The following GRIK2 variants were observed in gnomAD, a reference collection of about 807,000 sequenced individuals.
GRIK2 encodes glutamate receptor ionotropic, kainate 2.
GRIK2 carries 32 observed loss-of-function variants against 100.3 expected under a neutral mutation model. That is an observed-to-expected ratio of 0.32 (90% CI 0.24 to 0.43). GRIK2 has a LOEUF of 0.43. Among genes scored for constraint, GRIK2 ranks in the 20% least tolerant of loss-of-function variants. The pLI, the probability that GRIK2 is intolerant of heterozygous loss-of-function variation, is 1.00. For synonymous variants in GRIK2, 417 were observed against 389.4 expected (o/e 1.07, Z -0.83); for missense variants, 843 against 1,114.9 (o/e 0.76, Z 3.47).
intron 2 of GRIK2, among the ~76,000 whole-genome samples, chr6:101,402,257 C>T (rs1582367708): frequency 1.3e-5 from 2 of 152,298 alleles, no homozygotes; most frequent in South Asian, 4.1e-4. Flanking sequence ...CACACACACA[C>T]ATTCTCTCAC....
At chr6:101,544,993 C>T (rs1238262705) in intron 2 of GRIK2, among the ~76,000 whole-genome samples, 1 of 152,094 alleles carries the variant, frequency 6.6e-6, no homozygotes, top group Non-Finnish European at 1.5e-5. Flanking sequence ...GGATGGATCG[C>T]CACATATATT....
chr6:101,504,208 GACAT>G (rs71695247), intron 2 of GRIK2, among the ~76,000 whole-genome samples: 14,509 of 152,014 alleles, frequency 0.095, 941 homozygotes, highest in East Asian at 0.3. Flanking sequence ...ACTTTCCTGA[GACAT>G]ACACAACACA....
intron 7 of GRIK2, among the ~76,000 whole-genome samples, chr6:101,695,543 A>G (rs1018103088): frequency 6.6e-6 from 1 of 152,114 alleles, no homozygotes; most frequent in Non-Finnish European, 1.5e-5. Context: ...GTACTAAACT[A>G]TACTATTTAT....
intron 4 of GRIK2, among the ~76,000 whole-genome samples, chr6:101,666,094 C>G (rs1037185327): frequency 6.6e-6 from 1 of 152,140 alleles, no homozygotes; most frequent in Non-Finnish European, 1.5e-5. Flanking sequence ...TTTCAGGGGT[C>G]CCAAAGATTA....
At chr6:101,458,924 T>A (rs1233515818) in intron 2 of GRIK2, among the ~76,000 whole-genome samples, 1 of 152,210 alleles carries the variant, frequency 6.6e-6, no homozygotes, top group Non-Finnish European at 1.5e-5. Context: ...CAAACTGTGA[T>A]TGAATCTTTT....
chr6:101,613,741 G>A (rs1303743067), intron 2 of GRIK2, among the ~76,000 whole-genome samples: 2 of 149,844 alleles, frequency 1.3e-5, no homozygotes, highest in African/African-American at 2.5e-5. Flanking sequence ...ATTGAACTGT[G>A]GACACACTAG....
intron 2 of GRIK2, among the ~76,000 whole-genome samples, chr6:101,443,254 A>T (rs1257891762): frequency 6.6e-6 from 1 of 152,180 alleles, no homozygotes; most frequent in Non-Finnish European, 1.5e-5. Context: ...GTACAATATT[A>T]CTTTTACTTT....
chr6:101,868,200 C>T (rs561804400), intron 11 of GRIK2, among the ~76,000 whole-genome samples: 1 of 147,014 alleles, frequency 6.8e-6, no homozygotes, highest in Non-Finnish European at 1.5e-5. Context: ...TCAGGAAATG[C>T]TTCTTAAAAA....
intron 10 of GRIK2, among the ~76,000 whole-genome samples, chr6:101,853,878 G>A (rs1653239074): frequency 6.6e-6 from 1 of 152,166 alleles, no homozygotes; most frequent in Non-Finnish European, 1.5e-5. Flanking sequence ...TGGAAAAGGC[G>A]AAACTCTGGA....
intron 2 of GRIK2, among the ~76,000 whole-genome samples, chr6:101,551,488 T>TTAGAC (rs1168257898): frequency 6.6e-6 from 1 of 152,152 alleles, no homozygotes; most frequent in Non-Finnish European, 1.5e-5. Context: ...GCAGGACATT[T>TTAGAC]ATGGTCTAAA....
intron 13 of GRIK2, 127 bp downstream of exon 13, chr6:101,924,846 C>T (rs1398422144): frequency 3.1e-6 from 2 of 647,930 alleles, no homozygotes; most frequent in Non-Finnish European, 5.7e-6. Flanking sequence ...CCAGCTTTTC[C>T]ATCGACCTAA....
At chr6:101,448,284 A>G (rs1372304017) in intron 2 of GRIK2, among the ~76,000 whole-genome samples, 4 of 151,694 alleles carry the variant, frequency 2.6e-5, no homozygotes, top group Non-Finnish European at 1.5e-5. Context: ...CAAACATTAA[A>G]CTGTCCATAT....
intron 4 of GRIK2, among the ~76,000 whole-genome samples, chr6:101,629,308 A>C (rs1225694086): frequency 1.3e-5 from 2 of 152,138 alleles, no homozygotes; most frequent in Non-Finnish European, 2.9e-5. Flanking sequence ...TATTCATAGA[A>C]TAAATATGTC....
intron 10 of GRIK2, among the ~76,000 whole-genome samples, chr6:101,836,619 T>TGTATATATATA (rs1434984767): frequency 7.4e-6 from 1 of 135,104 alleles, no homozygotes; most frequent in African/African-American, 2.8e-5. Flanking sequence ...ATATATATAG[T>TGTATATATATA]TATATATATA....
intron 7 of GRIK2, among the ~76,000 whole-genome samples, chr6:101,753,212 G>T (rs1237948586): frequency 6.6e-6 from 1 of 151,338 alleles, no homozygotes; most frequent in Admixed American, 6.6e-5. Context: ...GAACCTGGGA[G>T]GCGGAGCTTG....
intron 4 of GRIK2, among the ~76,000 whole-genome samples, chr6:101,656,997 CA>C (rs1342845563): frequency 6.6e-6 from 1 of 152,186 alleles, no homozygotes; most frequent in Non-Finnish European, 1.5e-5. Flanking sequence ...ATGGGCCTTT[CA>C]AAATAATATC....
At chr6:101,660,433 G>A (rs572122140) in intron 4 of GRIK2, among the ~76,000 whole-genome samples, 74 of 152,052 alleles carry the variant, frequency 4.9e-4, no homozygotes, top group Middle Eastern at 6.8e-3. Flanking sequence ...CCTTTAGATC[G>A]GAGGAGTTTG....
chr6:101,527,922 A>G (rs1266890041), intron 2 of GRIK2, among the ~76,000 whole-genome samples: 2 of 152,114 alleles, frequency 1.3e-5, no homozygotes, highest in Admixed American at 6.6e-5. Flanking sequence ...TTGAGTGGTT[A>G]ATTATTCCAA....
At chr6:101,911,022 C>T (rs2128465566) in intron 12 of GRIK2, among the ~76,000 whole-genome samples, 1 of 149,296 alleles carries the variant, frequency 6.7e-6, no homozygotes, top group South Asian at 2.1e-4. Flanking sequence ...CAAACAAACA[C>T]TGCATTTGTA....
Sources: allele counts gnomAD v4.1 joint callset (sites outside exome capture counted in the v4.1 genomes callset), GRCh38; gene constraint gnomAD v4.1.1; transcripts MANE v1.5; gene names NCBI Gene and HGNC (gene_info 2026-07-23, HGNC 2026-07-21).